Variants in RBFOX3 observed in about 807,000 individuals in gnomAD.
RBFOX3 encodes the protein RNA binding fox-1 homolog 3, also known as RNA binding protein fox-1 homolog 3.
In RBFOX3, 17 loss-of-function variants were observed where a neutral mutation model predicts 48.7. That is an observed-to-expected ratio of 0.35 (90% CI 0.24 to 0.52). The LOEUF is 0.52. Ranked by LOEUF, RBFOX3 falls within the 20% of genes least tolerant of loss-of-function variation. RBFOX3 has a pLI of 0.94. For missense variants in RBFOX3, 382 were observed against 497.5 expected (o/e 0.77, Z 2.21); for synonymous variants, 212 against 209.5 (o/e 1.01, Z -0.10).
intron 2 of RBFOX3, among the ~76,000 whole-genome samples, chr17:79,420,319 A>T (rs2066101962): frequency 6.6e-6 from 1 of 152,234 alleles, no homozygotes; most frequent in Non-Finnish European, 1.5e-5. Context: ...TGCCATTTTT[A>T]AAAATACTTG....
rs1394233593 is a variant in RBFOX3 at position 79,220,481 on chromosome 17, G to A, written c.-34+15285C>T. Among the ~76,000 whole-genome samples, 6 of 152,218 alleles carry A rather than the reference G, an allele frequency of 3.9e-5. No homozygotes were observed. Among genetic ancestry groups the A allele is most frequent in the African/African-American group, 4.8e-5 (2 of 41,524 alleles). ...CGTGCCTGCTCTCCGCTCGCCCATC[G>A]ATGGGGTCCTGCCCGGCACTGCCCT... On this transcript the variant is annotated intron_variant, in intron 4 of 14. Transcript: ENST00000693108. The surrounding 1 kb of genome is among the most constrained non-coding windows in gnomAD (Gnocchi z 5.9).
At chr17:79,097,662 A>AT in intron 10 of RBFOX3, 30 bp downstream of exon 10, 2 of 1,424,524 alleles carry the variant, frequency 1.4e-6, no homozygotes, top group Non-Finnish European at 1.9e-6. Context: ...AGCTGGTCTC[A>AT]TCCCATCCCC....
Position 79,249,886 on chromosome 17 carries a change from A to C in RBFOX3, c.-73-14081T>G, listed in dbSNP as rs1484342507. Among the ~76,000 whole-genome samples, 2 of 152,100 alleles carry C rather than the reference A, an allele frequency of 1.3e-5. No individual in the cohort carries two copies. The highest frequency in any genetic ancestry group is 2.9e-5 in the Non-Finnish European group (2 of 68,016). On this transcript the variant is annotated intron_variant, in intron 3 of 14. Transcript: ENST00000693108. The surrounding 1 kb of genome is among the most constrained non-coding windows in gnomAD (Gnocchi z 4.1). ...TCTGTGTGTCTTTTTTACCCCATTA[A>C]AACAAATTCCAGGTATCCTTAGATC...
chr17:79,529,471 T>A (rs1388924918), intron 1 of RBFOX3, among the ~76,000 whole-genome samples: 1 of 150,874 alleles, frequency 6.6e-6, no homozygotes, highest in Non-Finnish European at 1.5e-5. Context: ...GGTGCAGGAG[T>A]GGGATGCGTG....
intron 2 of RBFOX3, among the ~76,000 whole-genome samples, chr17:79,403,604 G>A (rs542062553): frequency 2.1e-4 from 32 of 152,250 alleles, no homozygotes; most frequent in African/African-American, 6.5e-4. Context: ...GGAACGTCCC[G>A]GACAGCTTCG....
chr17:79,141,277 G>T (rs2041865688), intron 4 of RBFOX3, among the ~76,000 whole-genome samples: 2 of 152,212 alleles, frequency 1.3e-5, no homozygotes, highest in Non-Finnish European at 2.9e-5. Context: ...CAGGAGCTGG[G>T]GTTGGGGCAG....
At chr17:79,203,049 A>G (rs2056998029) in intron 4 of RBFOX3, among the ~76,000 whole-genome samples, 1 of 152,004 alleles carries the variant, frequency 6.6e-6, no homozygotes, top group South Asian at 2.1e-4. Flanking sequence ...TGCTACCTGC[A>G]TGCGAGCACT....
the RBFOX3 span, among the ~76,000 whole-genome samples, chr17:79,632,554 G>A: frequency 6.6e-6 from 1 of 152,072 alleles, no homozygotes; most frequent in Non-Finnish European, 1.5e-5. Flanking sequence ...GTCACATGGT[G>A]AAGTCAGAGG....
At chr17:79,335,579 G>A (rs762845290) in intron 2 of RBFOX3, among the ~76,000 whole-genome samples, 1 of 152,176 alleles carries the variant, frequency 6.6e-6, no homozygotes, top group South Asian at 2.1e-4. Flanking sequence ...GAGTGTCCGT[G>A]TACACAGGCA....
chr17:79,604,329 CT>C (rs2093778573), intron 1 of RBFOX3, among the ~76,000 whole-genome samples: 1 of 152,182 alleles, frequency 6.6e-6, no homozygotes, highest in Non-Finnish European at 1.5e-5. Context: ...TCTGGGTTTC[CT>C]TTTTTTGCTC....
intron 2 of RBFOX3, among the ~76,000 whole-genome samples, chr17:79,426,359 T>G (rs1000909027): frequency 6.6e-6 from 1 of 152,104 alleles, no homozygotes; most frequent in Non-Finnish European, 1.5e-5. Context: ...GCTCGAACAG[T>G]AAATAAAACC....
At chr17:79,370,306 AGAGCCCCACCCAGTGCCT>A (rs901839996) in intron 2 of RBFOX3, among the ~76,000 whole-genome samples, 7 of 152,184 alleles carry the variant, frequency 4.6e-5, no homozygotes, top group African/African-American at 1.7e-4. Flanking sequence ...CAGCAGGGCC[AGAGCCCCACCCAGTGCCT>A]GAGCCCCACC....
At chr17:79,531,672 C>T (rs965140807) in intron 1 of RBFOX3, among the ~76,000 whole-genome samples, 6 of 152,202 alleles carry the variant, frequency 3.9e-5, no homozygotes, top group African/African-American at 1.4e-4. Context: ...CCCTCCTCTC[C>T]TTCTCACATT....
intron 1 of RBFOX3, among the ~76,000 whole-genome samples, chr17:79,487,687 G>A (rs2079838523): frequency 6.6e-6 from 1 of 152,022 alleles, no homozygotes; most frequent in East Asian, 1.9e-4. Context: ...TGAGGTGGGT[G>A]GATCACGAGG....
intron 2 of RBFOX3, among the ~76,000 whole-genome samples, chr17:79,426,349 G>C (rs1050400216): frequency 1.3e-5 from 2 of 152,174 alleles, no homozygotes; most frequent in Non-Finnish European, 2.9e-5. Flanking sequence ...TGTCTTTCTT[G>C]CTCGAACAGT....
chr17:79,551,542 G>GGTGGGTGC (rs2143634754), intron 1 of RBFOX3, among the ~76,000 whole-genome samples: 2 of 141,964 alleles, frequency 1.4e-5, no homozygotes, highest in South Asian at 4.9e-4. Context: ...CGGGTGGGTG[G>GGTGGGTGC]GTGGATGGAT....
At position 79,492,208 on chromosome 17, in the gene RBFOX3, A is replaced by G. The variant is rs907962392; in HGVS notation, c.-319-9610T>C. Among the ~76,000 whole-genome samples the G allele has an allele frequency of 6.6e-5, 10 of 152,318 alleles. No homozygotes were observed. The East Asian group carries it at 1.5e-3, about 23-fold the overall frequency. Reference sequence around the variant, plus strand: ...AGGGTTGGTCAGTGGTGGTGCTAGCATCCAAGCTGGAGAGAATCCTGCCTG... The same window carrying G: ...AGGGTTGGTCAGTGGTGGTGCTAGCGTCCAAGCTGGAGAGAATCCTGCCTG... On this transcript the variant is annotated intron_variant, in intron 1 of 14. Transcript: ENST00000693108.
At chr17:79,241,207 T>A (rs2062325011) in intron 3 of RBFOX3, among the ~76,000 whole-genome samples, 1 of 149,302 alleles carries the variant, frequency 6.7e-6, no homozygotes, top group Non-Finnish European at 1.5e-5. Context: ...AGATGGGAGG[T>A]CTCAGTATGT....
At chr17:79,333,289 A>G (rs2014987) in intron 2 of RBFOX3, among the ~76,000 whole-genome samples, 94,982 of 152,008 alleles carry the variant, frequency 0.62, 29,836 homozygotes, top group East Asian at 0.78. Flanking sequence ...AACTATTTTC[A>G]TTAAAAGAAA....
Sources: allele counts gnomAD v4.1 joint callset (sites outside exome capture counted in the v4.1 genomes callset), GRCh38; gene constraint gnomAD v4.1.1; non-coding constraint Gnocchi (gnomAD v3.1); transcripts MANE v1.5; gene names NCBI Gene and HGNC (gene_info 2026-07-23, HGNC 2026-07-21).